The following CCSER1 variants were observed in gnomAD, a reference collection of about 807,000 sequenced individuals.
CCSER1 encodes the protein serine-rich coiled-coil domain-containing protein 1.
A neutral mutation model predicts 82.0 loss-of-function variants in CCSER1; 41 were observed. That is an observed-to-expected ratio of 0.50 (90% CI 0.39 to 0.65). The LOEUF is 0.65. CCSER1 is among the 30% of genes least tolerant of loss of function. The pLI is 0.00. For synonymous variants in CCSER1, 414 were observed against 383.9 expected, an observed-to-expected ratio of 1.08 and a Z score of -0.92; for missense variants, 1,119 against 1,064.2, an observed-to-expected ratio of 1.05 and a Z score of -0.72.
At chr4:90,289,545 C>T (rs1419163242) in intron 1 of CCSER1, among the ~76,000 whole-genome samples, 1 of 151,882 alleles carries the variant, frequency 6.6e-6, no homozygotes, top group Non-Finnish European at 1.5e-5. Flanking sequence ...AGTATCTGTA[C>T]ACTCCTTTAC....
chr4:91,291,143 C>T (rs926362531), intron 10 of CCSER1, among the ~76,000 whole-genome samples: 19 of 151,638 alleles, frequency 1.3e-4, no homozygotes, highest in Non-Finnish European at 2.4e-4. Context: ...ACGGTGCTGG[C>T]GTTATTAAAG....
intron 10 of CCSER1, among the ~76,000 whole-genome samples, chr4:91,295,481 G>T (rs1009915412): frequency 5.9e-5 from 9 of 151,722 alleles, no homozygotes; most frequent in South Asian, 2.1e-4. Flanking sequence ...TATCTAAATG[G>T]TTATATATTT....
At chr4:90,619,827 T>A (rs1721980367) in intron 5 of CCSER1, among the ~76,000 whole-genome samples, 1 of 152,116 alleles carries the variant, frequency 6.6e-6, no homozygotes. Flanking sequence ...CTTTCATCTC[T>A]ACATTCATTA....
intron 7 of CCSER1, among the ~76,000 whole-genome samples, chr4:90,793,369 G>C (rs1165943830): frequency 6.6e-6 from 1 of 152,036 alleles, no homozygotes; most frequent in Non-Finnish European, 1.5e-5. Flanking sequence ...AGTGTGTGTT[G>C]TTCCCCACTA....
intron 9 of CCSER1, among the ~76,000 whole-genome samples, chr4:91,012,498 C>G (rs1581332815): frequency 9.1e-6 from 1 of 110,326 alleles, no homozygotes; most frequent in African/African-American, 3.5e-5. Flanking sequence ...GGGAGCAGGA[C>G]AAAGCTGTGT....
At chr4:91,388,072 T>C (rs1164753575) in intron 10 of CCSER1, among the ~76,000 whole-genome samples, 1 of 152,056 alleles carries the variant, frequency 6.6e-6, no homozygotes, top group African/African-American at 2.4e-5. Context: ...TATTGATCAA[T>C]TGATAATGAA....
chr4:91,435,627 A>T (rs921984018), intron 10 of CCSER1, among the ~76,000 whole-genome samples: 1 of 152,218 alleles, frequency 6.6e-6, no homozygotes, highest in Admixed American at 6.5e-5. Context: ...ACAGGAATTT[A>T]TATGTAGTTC....
intron 1 of CCSER1, among the ~76,000 whole-genome samples, chr4:90,238,122 G>T (rs1746138478): frequency 6.6e-6 from 1 of 152,124 alleles, no homozygotes; most frequent in Non-Finnish European, 1.5e-5. Flanking sequence ...AATCCTGTCA[G>T]AATACATTGT....
intron 10 of CCSER1, among the ~76,000 whole-genome samples, chr4:91,506,643 C>T (rs970437932): frequency 9.2e-5 from 14 of 152,110 alleles, no homozygotes; most frequent in African/African-American, 3.1e-4. Context: ...GAATAATGTG[C>T]TTTTCATAAC....
At chr4:90,315,517 T>C (rs1736017567) in intron 3 of CCSER1, among the ~76,000 whole-genome samples, 3 of 152,150 alleles carry the variant, frequency 2.0e-5, no homozygotes, top group Admixed American at 2.0e-4. Flanking sequence ...AATTTTTAAT[T>C]TTTTTAAGGC....
At chr4:91,180,551 A>T (rs1056635284) in intron 10 of CCSER1, among the ~76,000 whole-genome samples, 7 of 152,094 alleles carry the variant, frequency 4.6e-5, no homozygotes, top group African/African-American at 1.4e-4. Flanking sequence ...TTGCAGTTTG[A>T]CCTCAGACTG....
chr4:91,093,113 C>T (rs142469008), intron 10 of CCSER1, among the ~76,000 whole-genome samples: 4 of 152,270 alleles, frequency 2.6e-5, no homozygotes, highest in African/African-American at 9.6e-5. Context: ...TTCTAGAGCC[C>T]GAGTTAAAGC....
intron 10 of CCSER1, among the ~76,000 whole-genome samples, chr4:91,394,020 C>A (rs1160815294): frequency 6.6e-6 from 1 of 152,064 alleles, no homozygotes; most frequent in African/African-American, 2.4e-5. Context: ...AACTTATGAT[C>A]GGTGATACTT....
intron 3 of CCSER1, among the ~76,000 whole-genome samples, chr4:90,324,964 A>G (rs1306225107): frequency 1.3e-5 from 2 of 152,180 alleles, no homozygotes; most frequent in African/African-American, 4.8e-5. Context: ...CAGATTTGTC[A>G]AAGATCAGAT....
At chr4:90,478,990 C>T (rs751183778) in intron 5 of CCSER1, among the ~76,000 whole-genome samples, 1 of 152,092 alleles carries the variant, frequency 6.6e-6, no homozygotes, top group Non-Finnish European at 1.5e-5. Flanking sequence ...CTGCCTGCCT[C>T]AGCCTCCCAA....
chr4:90,609,802 T>A (rs1785211400), intron 5 of CCSER1, among the ~76,000 whole-genome samples: 1 of 152,206 alleles, frequency 6.6e-6, no homozygotes, highest in South Asian at 2.1e-4. Flanking sequence ...GATGTGTACT[T>A]TAGTAATCAG....
intron 5 of CCSER1, among the ~76,000 whole-genome samples, chr4:90,549,039 G>A (rs78999962): frequency 0.012 from 1,860 of 152,158 alleles, 41 homozygotes; most frequent in African/African-American, 0.042. Context: ...TACAAAGCAT[G>A]ACCCCACTGT....
chr4:91,374,243 G>A (rs986976487), intron 10 of CCSER1, among the ~76,000 whole-genome samples: 1 of 152,148 alleles, frequency 6.6e-6, no homozygotes, highest in Non-Finnish European at 1.5e-5. Context: ...GGTTTGTATT[G>A]GAAGAAGATG....
intron 1 of CCSER1, among the ~76,000 whole-genome samples, chr4:90,274,693 G>A (rs965628003): frequency 1.3e-4 from 19 of 150,950 alleles, no homozygotes; most frequent in Non-Finnish European, 2.7e-4. Context: ...TTTTTCTTTT[G>A]CAAAATTTGC....
Sources: gnomAD v4.1 joint callset for allele counts (sites outside exome capture counted in the v4.1 genomes callset) on GRCh38, gnomAD v4.1.1 for gene constraint, MANE v1.5 for transcripts, NCBI Gene and HGNC (gene_info 2026-07-23, HGNC 2026-07-21) for gene names.